POLR2B: variants seen among roughly 807,000 people sequenced by gnomAD.
POLR2B encodes the protein RNA polymerase II subunit B, also known as DNA-directed RNA polymerase II subunit RPB2.
POLR2B carries 57 observed loss-of-function variants against 144.6 expected under a neutral mutation model. That is an observed-to-expected ratio of 0.39 (90% CI 0.32 to 0.49). The LOEUF (loss-of-function observed/expected upper bound fraction) is 0.49, where lower values mean the gene tolerates loss of function less well. POLR2B is among the 20% of genes least tolerant of loss of function. The pLI is 0.83. For missense variants in POLR2B, 595 were observed against 1,467.4 expected, an observed-to-expected ratio of 0.41 and a Z score of 9.71; for synonymous variants, 442 against 469.8, an observed-to-expected ratio of 0.94 and a Z score of 0.77.
At chr4:57,014,669 A>AT (rs558812088) in intron 13 of POLR2B, among the ~76,000 whole-genome samples, 3 of 150,168 alleles carry the variant, frequency 2.0e-5, no homozygotes, top group Non-Finnish European at 3.0e-5. Context: ...CACCTGGCTA[A>AT]TTTTTTTTGT....
intron 3 of POLR2B, 58 bp from the exon 4 acceptor site, chr4:56,994,346 C>G (rs1722613441): frequency 1.1e-6 from 1 of 897,488 alleles, no homozygotes; most frequent in African/African-American, 1.7e-5. Flanking sequence ...AATGGAATCA[C>G]TAAAACTTTT....
At chr4:56,990,656 T>G (rs1268809740) in intron 2 of POLR2B, 92 bp from the exon 3 acceptor site, 1 of 1,118,808 alleles carries the variant, frequency 8.9e-7, no homozygotes, top group Admixed American at 2.1e-5. Context: ...GACTGTTTCT[T>G]GAATAATGAA....
In POLR2B at chr4:57,011,073, A is replaced by G. The variant is rs1458754390; in HGVS notation, c.1773A>G (p.Arg591=). 7 of 1,610,886 alleles carry G rather than the reference A, an allele frequency of 4.3e-6. No individual in the cohort carries two copies. The highest frequency in any genetic ancestry group is 5.9e-6 in the Non-Finnish European group (7 of 1,177,024). ...TTATGAACACCCTAAGGAAATTGAG[A>G]CGTCAGATGGACATCATTGTGTCTG... ...EQLMNTLRKL[R]RQMDIIVSEV... is the part of the protein sequence containing the mutation. Residue 591 remains arginine, a synonymous_variant, in exon 13 of 25, where the codon AGA becomes AGG. Transcript: ENST00000314595.
chr4:56,996,843 T>A (rs1454297086), intron 6 of POLR2B, among the ~76,000 whole-genome samples: 5 of 151,984 alleles, frequency 3.3e-5, no homozygotes, highest in Admixed American at 3.3e-4. Flanking sequence ...CCCAGCACTT[T>A]GGGAGGCTGA....
intron 3 of POLR2B, among the ~76,000 whole-genome samples, chr4:56,991,674 A>G (rs1722511417): frequency 6.6e-6 from 1 of 152,216 alleles, no homozygotes; most frequent in Non-Finnish European, 1.5e-5. Context: ...TTAGTTGGAC[A>G]TGCTGTACAG....
intron 5 of POLR2B, 57 bp from the exon 6 acceptor site, chr4:56,995,194 T>C (rs1256326841): frequency 6.1e-6 from 8 of 1,313,524 alleles, no homozygotes; most frequent in African/African-American, 1.5e-5. Context: ...TTTACTCTCT[T>C]TTCTCTTCAG....
In POLR2B at chr4:57,017,055, T is replaced by C. The variant is rs1368480163; in HGVS notation, c.1968T>C (p.Leu656=). The C allele has an allele frequency of 1.3e-6, 2 of 1,580,194 alleles. No individual in the cohort carries two copies. Among genetic ancestry groups the C allele is most frequent in the African/African-American group, 1.3e-5 (1 of 74,176 alleles). ...REYNNYSWQD[L]VASGVVEYID... The stretch of plus-strand genomic sequence containing the variant: ...AATTCTTTTTTAGTTGGCAGGATCT[T>C]GTGGCCAGTGGGGTAGTGGAGTATA... Residue 656 remains leucine, a synonymous_variant, in exon 15 of 25, where the codon CTT becomes CTC. Transcript: ENST00000314595. The surrounding 1 kb of genome is among the most constrained non-coding windows in gnomAD (Gnocchi z 4.8).
At chr4:56,996,206 A>ATATGTG (rs71889513) in intron 6 of POLR2B, among the ~76,000 whole-genome samples, 13 of 115,344 alleles carry the variant, frequency 1.1e-4, no homozygotes, top group East Asian at 2.6e-4. Context: ...ATTTCAGTTC[A>ATATGTG]TGTGTGTGTG....
intron 14 of POLR2B, 125 bp from the exon 15 acceptor site, chr4:57,016,918 A>G (rs1713983): frequency 0.28 from 70,291 of 250,724 alleles, 10,206 homozygotes; most frequent in South Asian, 0.43. Context: ...ATATATAAAT[A>G]TATATGTATA....
rs1169711335 is a variant in POLR2B, at chr4:57,030,371, A to T, written c.3407A>T (p.Glu1136Val). The T allele has an allele frequency of 6.2e-7, 1 of 1,612,640 alleles. No individual in the cohort carries two copies. The highest frequency in any genetic ancestry group is 1.3e-5 in the African/African-American group (1 of 74,980). Residue 1136 changes from glutamate (E) to valine (V), a missense_variant, in exon 24 of 25, where the codon GAA becomes GTA. This residue lies in a region of POLR2B where 45 missense variants were observed against 80.9 expected (regional missense o/e 0.56). Transcript: ENST00000314595. ...AIANTRTHTY[E>V]CRGCRNKTQI... ...GCCAACACCAGGACCCATACATATG[A>T]ATGCAGGGGCTGCCGCAATAAAACC...
chr4:56,994,544 G>C, intron 4 of POLR2B, 28 bp downstream of exon 4: 1 of 1,462,854 alleles, frequency 6.8e-7, no homozygotes, highest in Non-Finnish European at 9.6e-7. Flanking sequence ...CTTGTCAGCA[G>C]TAGATACTGA....
At chr4:56,979,052 A>G in intron 1 of POLR2B, 48 bp downstream of exon 1, 1 of 1,597,110 alleles carries the variant, frequency 6.3e-7, no homozygotes, top group African/African-American at 1.3e-5. Flanking sequence ...TTTAAGCAGG[A>G]AAGCGTTGGG....
At chr4:57,007,031 C>G (rs755713236) in intron 10 of POLR2B, 29 bp downstream of exon 10, 1 of 1,434,340 alleles carries the variant, frequency 7.0e-7, no homozygotes. Context: ...ACTACAGGCT[C>G]AATAGGAAAC....
intron 23 of POLR2B, among the ~76,000 whole-genome samples, chr4:57,029,048 C>A (rs11731868): frequency 3.9e-5 from 6 of 152,040 alleles, no homozygotes; most frequent in Admixed American, 3.9e-4. Context: ...TGCTTGCATC[C>A]CAAATGCTGT....
At position 57,015,727 on chromosome 4, in the gene POLR2B, C is replaced by CT. The variant is rs557709227; in HGVS notation, c.1955+78dup. The stretch of plus-strand genomic sequence containing the variant: ...AGAATTTACATACTGTAAAATTAAC[C>CT]TTTTTTTATTTTTTATATTTTTATT... On this transcript the variant is annotated intron_variant, in intron 14 of 24. Transcript: ENST00000314595. 4 of 605,818 alleles carry CT rather than the reference C, an allele frequency of 6.6e-6. No homozygotes were observed. In the African/African-American group the frequency reaches 7.8e-5, roughly 12 times the overall value. The allele number at this position is 605,818 out of a possible 1,614,324, so 37.5% of individuals were successfully genotyped here. A position where few individuals can be genotyped will look rare whatever the true frequency, so the allele number is the denominator to read the frequency against.
chr4:56,999,474 A>G (rs1722791118), intron 6 of POLR2B, 143 bp from the exon 7 acceptor site: 3 of 479,090 alleles, frequency 6.3e-6, no homozygotes, highest in East Asian at 6.8e-5. Flanking sequence ...AAGCAGTCAT[A>G]GGAGGTTCCT....
chr4:57,011,771 C>A (rs1183042059), intron 13 of POLR2B, among the ~76,000 whole-genome samples: 1 of 151,668 alleles, frequency 6.6e-6, no homozygotes, highest in Non-Finnish European at 1.5e-5. Context: ...TGCAGTGAGC[C>A]AAGATCACAC....
intron 5 of POLR2B, 126 bp from the exon 6 acceptor site, chr4:56,995,125 A>C (rs1371712140): frequency 1.3e-6 from 1 of 746,370 alleles, no homozygotes; most frequent in Non-Finnish European, 2.1e-6. Context: ...GAGTTTGTAA[A>C]GTTGAAGAAT....
intron 21 of POLR2B, among the ~76,000 whole-genome samples, chr4:57,024,644 C>T (rs575493114): frequency 6.6e-6 from 1 of 152,042 alleles, no homozygotes; most frequent in East Asian, 1.9e-4. Context: ...TTGAGTTTTT[C>T]TTTTTTAAGC....
Sources: allele counts gnomAD v4.1 joint callset (sites outside exome capture counted in the v4.1 genomes callset), GRCh38; gene constraint gnomAD v4.1.1; regional missense constraint gnomAD v4.1.1; non-coding constraint Gnocchi (gnomAD v3.1); transcripts MANE v1.5; gene names NCBI Gene and HGNC (gene_info 2026-07-23, HGNC 2026-07-21).